PIAS1: variants seen among roughly 807,000 people sequenced by gnomAD.
PIAS1 encodes the protein E3 SUMO-protein ligase PIAS1.
Under a neutral mutation model 71.3 loss-of-function variants are expected in PIAS1, and 6 were observed. The ratio of observed to expected loss-of-function variants is 0.08; its 90% CI spans 0.05 to 0.17. The LOEUF (loss-of-function observed/expected upper bound fraction) is 0.17. PIAS1 is among the 10% of genes least tolerant of loss of function. The pLI, the probability that PIAS1 is intolerant of heterozygous loss-of-function variation, is 1.00. For missense variants in PIAS1, 555 were observed against 793.6 expected (o/e 0.70, Z 3.61); for synonymous variants, 303 against 292.9 (o/e 1.03, Z -0.35).
intron 1 of PIAS1, among the ~76,000 whole-genome samples, chr15:68,078,431 G>A (rs906322442): frequency 1.3e-5 from 2 of 151,936 alleles, no homozygotes; most frequent in Non-Finnish European, 2.9e-5. Context: ...TGGTTACTTC[G>A]GTAACTTCCT....
intron 7 of PIAS1, among the ~76,000 whole-genome samples, chr15:68,163,151 A>G (rs1394304955): frequency 3.3e-5 from 5 of 152,150 alleles, no homozygotes; most frequent in Admixed American, 1.3e-4. Flanking sequence ...TTAGAATTCT[A>G]TTTGCATGTT....
intron 2 of PIAS1, among the ~76,000 whole-genome samples, chr15:68,092,943 C>T (rs554875138): frequency 2.0e-5 from 3 of 152,252 alleles, no homozygotes; most frequent in African/African-American, 7.2e-5. Context: ...TAGTTGAAAC[C>T]AGTAGTGAAT....
intron 2 of PIAS1, among the ~76,000 whole-genome samples, chr15:68,103,179 G>A (rs1182312606): frequency 2.6e-5 from 4 of 151,812 alleles, no homozygotes; most frequent in African/African-American, 7.3e-5. Flanking sequence ...TGCCCGCCTC[G>A]CCCACCCAAA....
At chr15:68,105,899 C>T (rs1390530741) in intron 2 of PIAS1, among the ~76,000 whole-genome samples, 1 of 152,046 alleles carries the variant, frequency 6.6e-6, no homozygotes, top group Non-Finnish European at 1.5e-5. Context: ...CTTATAGCCC[C>T]ACATAGGTTA....
At chr15:68,162,576 G>T (rs1291517206) in intron 7 of PIAS1, among the ~76,000 whole-genome samples, 1 of 152,118 alleles carries the variant, frequency 6.6e-6, no homozygotes, top group African/African-American at 2.4e-5. Flanking sequence ...CAATAGATAG[G>T]CCATCAGCAA....
chr15:68,130,991 G>C (rs1482281302), intron 2 of PIAS1, among the ~76,000 whole-genome samples: 1 of 151,858 alleles, frequency 6.6e-6, no homozygotes, highest in Non-Finnish European at 1.5e-5. Flanking sequence ...GTTTCTCTAG[G>C]GTTATATTAC....
chr15:68,150,555 G>A (rs71400386), intron 6 of PIAS1, among the ~76,000 whole-genome samples: 91 of 152,138 alleles, frequency 6.0e-4, no homozygotes, highest in Non-Finnish European at 1.2e-3. Flanking sequence ...GAGAAATGTT[G>A]CAACTGTGTC....
chr15:68,126,999 A>T (rs2141026631), intron 2 of PIAS1, among the ~76,000 whole-genome samples: 1 of 152,018 alleles, frequency 6.6e-6, no homozygotes, highest in East Asian at 1.9e-4. Context: ...CAGTGGCATG[A>T]TTTCAGCTCA....
chr15:68,087,929 C>A, intron 2 of PIAS1: 2 of 298,284 alleles, frequency 6.7e-6, no homozygotes, highest in Non-Finnish European at 1.4e-5. Flanking sequence ...TTTAAGTGGC[C>A]ATAATAAGAA....
intron 7 of PIAS1, among the ~76,000 whole-genome samples, chr15:68,154,818 T>C (rs1428321544): frequency 6.6e-6 from 1 of 152,130 alleles, no homozygotes; most frequent in African/African-American, 2.4e-5. Flanking sequence ...GCGGGAGTGG[T>C]GGCACCATTT....
At chr15:68,061,035 G>GA (rs1218037469) in intron 1 of PIAS1, among the ~76,000 whole-genome samples, 2 of 152,120 alleles carry the variant, frequency 1.3e-5, no homozygotes, top group Non-Finnish European at 2.9e-5. Flanking sequence ...TTTATTTTTA[G>GA]AAAAAACCTT....
intron 2 of PIAS1, among the ~76,000 whole-genome samples, chr15:68,090,876 A>G (rs2092326335): frequency 6.6e-6 from 1 of 151,806 alleles, no homozygotes; most frequent in Non-Finnish European, 1.5e-5. Context: ...CTTACTTTAC[A>G]GATAAACTTT....
chr15:68,059,908 C>T (rs1455570215), intron 1 of PIAS1, among the ~76,000 whole-genome samples: 1 of 151,908 alleles, frequency 6.6e-6, no homozygotes, highest in Non-Finnish European at 1.5e-5. Context: ...AGGTACTGTG[C>T]CACTGCACCC....
At position 68,086,217 on chromosome 15, in the gene PIAS1, A is replaced by G. The variant is rs2092280180; in HGVS notation, c.25-89A>G. Reference sequence around the variant, plus strand: ...TGGCCTTTATTTGCTTAAGTAAACCATAAGAAGGGGGTTATAATAAAGTGT... The same window carrying G: ...TGGCCTTTATTTGCTTAAGTAAACCGTAAGAAGGGGGTTATAATAAAGTGT... On this transcript the variant is annotated intron_variant, in intron 1 of 13. Transcript: ENST00000249636. This position sits in a 1 kb window ranked among gnomAD's most constrained non-coding sequence, Gnocchi z 7.2. 6.7e-6 allele frequency: 6 copies of G among 890,794 alleles called. No homozygotes were observed. Among genetic ancestry groups the G allele is most frequent in the African/African-American group, 3.4e-5 (2 of 59,322 alleles). 55.2% of individuals were successfully genotyped at this position (890,794 alleles called of 1,614,324 possible).
intron 2 of PIAS1, among the ~76,000 whole-genome samples, chr15:68,087,504 T>C (rs2140983182): frequency 6.6e-6 from 1 of 152,328 alleles, no homozygotes. Context: ...GCTGGTTTGT[T>C]GGCATACTAC....
chr15:68,139,579 T>C (rs774028388), intron 2 of PIAS1, among the ~76,000 whole-genome samples: 5 of 152,240 alleles, frequency 3.3e-5, no homozygotes, highest in Admixed American at 6.5e-5. Flanking sequence ...CTGATCGCTA[T>C]ATACTGTATG....
intron 2 of PIAS1, among the ~76,000 whole-genome samples, chr15:68,088,176 G>GTGTGTATATATATATATATATATATATA (rs150997979): frequency 4.1e-5 from 3 of 72,996 alleles, no homozygotes; most frequent in African/African-American, 6.2e-5. Flanking sequence ...TTATGTGTGT[G>GTGTGTATATATATATATATATATATATA]TATATATATA....
intron 2 of PIAS1, among the ~76,000 whole-genome samples, chr15:68,128,868 C>T (rs187869056): frequency 6.6e-6 from 1 of 150,748 alleles, no homozygotes; most frequent in African/African-American, 2.4e-5. Context: ...ACAGAATGTA[C>T]AATAAATAAA....
intron 6 of PIAS1, among the ~76,000 whole-genome samples, chr15:68,151,971 A>G (rs1363272067): frequency 1.7e-4 from 5 of 29,518 alleles, no homozygotes; most frequent in Admixed American, 6.6e-4. Flanking sequence ...GGGGGGGGAG[A>G]CAGAGTCTTG....
Sources: allele counts gnomAD v4.1 joint callset (sites outside exome capture counted in the v4.1 genomes callset), GRCh38; gene constraint gnomAD v4.1.1; non-coding constraint Gnocchi (gnomAD v3.1); transcripts MANE v1.5; gene names NCBI Gene and HGNC (gene_info 2026-07-23, HGNC 2026-07-21).